Variants in SLC1A1 observed in about 807,000 individuals in gnomAD.
SLC1A1 encodes excitatory amino acid transporter 3.
SLC1A1 carries 43 observed loss-of-function variants against 53.3 expected under a neutral mutation model. The ratio of observed to expected loss-of-function variants is 0.81; its 90% CI spans 0.63 to 1.04. The LOEUF is 1.04. Ranked by LOEUF, SLC1A1 falls within the 50% of genes least tolerant of loss-of-function variation. SLC1A1 has a pLI of 0.00. For missense variants in SLC1A1, 748 were observed against 664.9 expected (o/e 1.12, Z -1.37); for synonymous variants, 307 against 243.2 (o/e 1.26, Z -2.44).
At chr9:4,528,007 G>C (rs956537841) in intron 1 of SLC1A1, among the ~76,000 whole-genome samples, 1 of 152,238 alleles carries the variant, frequency 6.6e-6, no homozygotes, top group Middle Eastern at 3.4e-3. Flanking sequence ...GTTATCCTCT[G>C]TGTTTATTTC....
intron 3 of SLC1A1, among the ~76,000 whole-genome samples, chr9:4,563,080 G>A (rs925927902): frequency 2.0e-5 from 3 of 147,136 alleles, no homozygotes; most frequent in African/African-American, 7.6e-5. Flanking sequence ...TAACTAACCT[G>A]CACAATGTGC....
chr9:4,577,498 T>C (rs561388004), intron 10 of SLC1A1, among the ~76,000 whole-genome samples: 1 of 152,326 alleles, frequency 6.6e-6, no homozygotes, highest in South Asian at 2.1e-4. Context: ...TTTTTTGAGA[T>C]GGAGTTTTGC....
intron 1 of SLC1A1, among the ~76,000 whole-genome samples, chr9:4,492,787 A>G (rs1820281616): frequency 6.7e-6 from 1 of 149,584 alleles, no homozygotes; most frequent in South Asian, 2.2e-4. Context: ...CAAGAATGAG[A>G]CCTTGTCTAA....
intron 10 of SLC1A1, among the ~76,000 whole-genome samples, chr9:4,580,402 G>A (rs751551335): frequency 2.6e-5 from 4 of 151,976 alleles, no homozygotes; most frequent in Non-Finnish European, 5.9e-5. Context: ...GCAACAAGGC[G>A]AGGCCCCGTC....
Position 4,570,376 on chromosome 9 carries a change from A to AT in SLC1A1, c.583-1815dup, listed in dbSNP as rs947133531. ...GGTAGCCCAGTGGGTCCTCAACATAATTTTTTTTTTTTTGAGATGGAGTCT... is the reference window on the plus strand; with the variant it reads ...GGTAGCCCAGTGGGTCCTCAACATAATTTTTTTTTTTTTTGAGATGGAGTCT... On this transcript the variant is annotated intron_variant, in intron 6 of 11. Coordinates refer to ENST00000262352, the MANE Select transcript of SLC1A1 (RefSeq NM_004170.6). 7.0e-3 allele frequency among the ~76,000 whole-genome samples: 1,016 copies of AT among 145,852 alleles called. 9 individuals are homozygous for AT. The highest frequency in any genetic ancestry group is 0.024 in the South Asian group (111 of 4,560).
At chr9:4,580,243 G>C (rs1820928925) in intron 10 of SLC1A1, among the ~76,000 whole-genome samples, 1 of 150,784 alleles carries the variant, frequency 6.6e-6, no homozygotes, top group South Asian at 2.1e-4. Context: ...AGAAAAGAAA[G>C]AAAGAAAGAA....
intron 5 of SLC1A1, 51 bp from the exon 6 acceptor site, chr9:4,567,618 A>C (rs748335231): frequency 8.1e-7 from 1 of 1,234,118 alleles, no homozygotes; most frequent in Non-Finnish European, 1.2e-6. Flanking sequence ...TCAAAAGCTT[A>C]AAAAAAATTC....
intron 2 of SLC1A1, among the ~76,000 whole-genome samples, chr9:4,557,450 A>G (rs188560185): frequency 6.6e-6 from 1 of 152,320 alleles, no homozygotes; most frequent in African/African-American, 2.4e-5. Flanking sequence ...TGGGCTGTCC[A>G]ATATGATAGC....
rs1821510594 is a variant in SLC1A1, at chr9:4,585,507, T to G, written c.1524T>G (p.Phe508Leu). The part of the protein sequence containing the change: ...DTKKSYVNGG[F>L]AVDKSDTISF... ...AGAAGTCTTATGTCAATGGAGGCTT[T>G]GCAGTAGACAAGTCTGACACCATCT... is the stretch of plus-strand genomic sequence containing the variant. The change falls in exon 12 of 12, where the codon TTT becomes TTG. Residue 508 changes from phenylalanine to leucine, a missense_variant. Transcript: ENST00000262352. The G allele has an allele frequency of 6.2e-7, 1 of 1,614,114 alleles. No individual in the cohort carries two copies. The highest frequency in any genetic ancestry group is 1.3e-5 in the African/African-American group (1 of 74,936).
Position 4,549,388 on chromosome 9 carries a change from G to C in SLC1A1, c.232+4681G>C, listed in dbSNP as rs939959570. Among the ~76,000 whole-genome samples, 1 of 152,160 alleles carries C rather than the reference G, an allele frequency of 6.6e-6. No homozygotes were observed. The highest frequency in any genetic ancestry group is 2.4e-5 in the African/African-American group (1 of 41,414). ...CAGAAGCTTAATTCTCCAAAGTGCA[G>C]CTGAGACCACACTTCTACTCAGGAC... On this transcript the variant is annotated intron_variant, in intron 2 of 11. Coordinates refer to ENST00000262352, the MANE Select transcript of SLC1A1 (RefSeq NM_004170.6). This position sits in a 1 kb window ranked among gnomAD's most constrained non-coding sequence, Gnocchi z 4.1.
At chr9:4,507,993 G>T (rs142552766) in intron 1 of SLC1A1, among the ~76,000 whole-genome samples, 2 of 152,206 alleles carry the variant, frequency 1.3e-5, no homozygotes, top group African/African-American at 2.4e-5. Context: ...TGGAGGAAAA[G>T]GTGTACCCTT....
chr9:4,553,219 T>G (rs987456249), intron 2 of SLC1A1, among the ~76,000 whole-genome samples: 2 of 152,146 alleles, frequency 1.3e-5, no homozygotes, highest in Non-Finnish European at 2.9e-5. Flanking sequence ...ATGCTTTTAC[T>G]GGACAATAAG....
intron 1 of SLC1A1, among the ~76,000 whole-genome samples, chr9:4,499,917 T>C (rs2130798058): frequency 6.6e-6 from 1 of 152,336 alleles, no homozygotes; most frequent in East Asian, 1.9e-4. Context: ...GTGGTGGAGC[T>C]CAGGTGGGTA....
In SLC1A1 at chr9:4,558,461, G is replaced by A. The variant is rs79724159; in HGVS notation, c.233-2988G>A. 4.7e-3 allele frequency among the ~76,000 whole-genome samples: 709 copies of A among 152,278 alleles called. 4 individuals carry two copies. Among genetic ancestry groups the A allele is most frequent in the African/African-American group, 0.016 (666 of 41,548 alleles). ...TTAGAGGAATGGGAAACAAAGACCC[G>A]TGCTGAAAGTTACTACAAGATAGTT... On this transcript the variant is annotated intron_variant, in intron 2 of 11. Coordinates refer to ENST00000262352, the MANE Select transcript of SLC1A1 (RefSeq NM_004170.6).
At chr9:4,510,679 C>T (rs1820971765) in intron 1 of SLC1A1, among the ~76,000 whole-genome samples, 1 of 152,174 alleles carries the variant, frequency 6.6e-6, no homozygotes, top group Non-Finnish European at 1.5e-5. Context: ...TTTCCCAGTT[C>T]CACACCCAGC....
At chr9:4,558,477 C>G (rs1485726286) in intron 2 of SLC1A1, among the ~76,000 whole-genome samples, 1 of 152,160 alleles carries the variant, frequency 6.6e-6, no homozygotes, top group Non-Finnish European at 1.5e-5. Flanking sequence ...AAAGTTACTA[C>G]AAGATAGTTG....
At chr9:4,552,277 G>A (rs948411898) in intron 2 of SLC1A1, among the ~76,000 whole-genome samples, 2 of 152,172 alleles carry the variant, frequency 1.3e-5, no homozygotes, top group African/African-American at 2.4e-5. Context: ...GCAAGAAAGA[G>A]TACATTACAA....
At chr9:4,585,168 G>A in intron 11 of SLC1A1, 144 bp from the exon 12 acceptor site, 1 of 1,040,594 alleles carries the variant, frequency 9.6e-7, no homozygotes, top group Non-Finnish European at 1.4e-6. Context: ...GGCCTGTGAG[G>A]AGCCTTCAGT....
At chr9:4,507,710 T>C (rs1346545785) in intron 1 of SLC1A1, among the ~76,000 whole-genome samples, 1 of 152,136 alleles carries the variant, frequency 6.6e-6, no homozygotes, top group African/African-American at 2.4e-5. Context: ...TACTTCGACT[T>C]AGCATTCTGA....
Sources: gnomAD v4.1 joint callset for allele counts (sites outside exome capture counted in the v4.1 genomes callset) on GRCh38, gnomAD v4.1.1 for gene constraint, Gnocchi (gnomAD v3.1) non-coding constraint, MANE v1.5 for transcripts, NCBI Gene and HGNC (gene_info 2026-07-23, HGNC 2026-07-21) for gene names.